The following KCTD16 variants were observed in gnomAD, a reference collection of about 807,000 sequenced individuals.
KCTD16 encodes the protein potassium channel tetramerization domain containing 16.
A neutral mutation model predicts 33.2 loss-of-function variants in KCTD16; 13 were observed. The ratio of observed to expected loss-of-function variants is 0.39; its 90% CI spans 0.25 to 0.62. The LOEUF (loss-of-function observed/expected upper bound fraction) is 0.62, where lower values mean the gene tolerates loss of function less well. KCTD16 is among the 20% of genes least tolerant of loss of function. The probability of loss-of-function intolerance (pLI) is 0.50; values close to 1 mark genes in which losing one functional copy is unlikely to be tolerated. For synonymous variants in KCTD16, 197 were observed against 195.3 expected (o/e 1.01, Z -0.07); for missense variants, 441 against 525.1 (o/e 0.84, Z 1.57).
intron 3 of KCTD16, among the ~76,000 whole-genome samples, chr5:144,467,541 C>A (rs1186735765): frequency 6.6e-6 from 1 of 152,078 alleles, no homozygotes; most frequent in Admixed American, 6.6e-5. Flanking sequence ...AACCTAGAAA[C>A]CCACCCGTGT....
intron 3 of KCTD16, among the ~76,000 whole-genome samples, chr5:144,294,491 AT>A (rs11357038): frequency 0.22 from 33,052 of 149,484 alleles, 3,983 homozygotes; most frequent in Non-Finnish European, 0.28. Context: ...ATATAAACTT[AT>A]TTTTTTTTTC....
At chr5:144,307,095 C>T (rs1389443555) in intron 3 of KCTD16, among the ~76,000 whole-genome samples, 1 of 152,204 alleles carries the variant, frequency 6.6e-6, no homozygotes. Flanking sequence ...ACCTGCATGC[C>T]AGCTTCACAG....
rs553928571 is a variant in KCTD16, at chr5:144,208,815, C to T, written c.832+1269C>T. ...AGCCAGAACAACCTGTGGAAAAAAA[C>T]GAAATCAGTAATCAGTTCAGGAGTA... is the stretch of plus-strand genomic sequence containing the variant. On this transcript the variant is annotated intron_variant, in intron 3 of 3. Transcript: ENST00000512467. Among the ~76,000 whole-genome samples the T allele has an allele frequency of 5.3e-5, 8 of 152,126 alleles. No homozygotes were observed. The South Asian group carries it at 6.2e-4, about 12-fold the overall frequency.
At chr5:144,462,661 G>A (rs934413803) in intron 3 of KCTD16, among the ~76,000 whole-genome samples, 2 of 151,182 alleles carry the variant, frequency 1.3e-5, no homozygotes, top group African/African-American at 4.9e-5. Flanking sequence ...CATCAGTGAA[G>A]ATAGAAGAAT....
At chr5:144,285,076 A>G (rs1294429877) in intron 3 of KCTD16, among the ~76,000 whole-genome samples, 1 of 152,170 alleles carries the variant, frequency 6.6e-6, no homozygotes, top group Non-Finnish European at 1.5e-5. Flanking sequence ...AGTTTGTAGG[A>G]TGGTGTGAGA....
intron 3 of KCTD16, among the ~76,000 whole-genome samples, chr5:144,348,770 A>G (rs1752873628): frequency 6.6e-6 from 1 of 152,228 alleles, no homozygotes. Flanking sequence ...ATATTTTTTA[A>G]TAGACTCCTT....
intron 3 of KCTD16, among the ~76,000 whole-genome samples, chr5:144,462,447 C>A (rs1561616876): frequency 6.6e-6 from 1 of 151,522 alleles, no homozygotes; most frequent in Non-Finnish European, 1.5e-5. Context: ...CCATTACAGT[C>A]ACCATGATTT....
chr5:144,262,987 T>G (rs1755052837), intron 3 of KCTD16, among the ~76,000 whole-genome samples: 1 of 152,208 alleles, frequency 6.6e-6, no homozygotes, highest in Admixed American at 6.5e-5. Context: ...TGAATGATGA[T>G]GACCTGGTGA....
At chr5:144,348,086 T>C (rs933347333) in intron 3 of KCTD16, among the ~76,000 whole-genome samples, 1 of 152,186 alleles carries the variant, frequency 6.6e-6, no homozygotes, top group African/African-American at 2.4e-5. Context: ...TCTTTGACTC[T>C]TTTGTTTAAC....
At chr5:144,203,641 G>A (rs6881195) in intron 2 of KCTD16, among the ~76,000 whole-genome samples, 69,218 of 152,038 alleles carry the variant, frequency 0.46, 16,739 homozygotes, top group African/African-American at 0.62. Flanking sequence ...TGTCCCTGCA[G>A]TGTTTTCATA....
chr5:144,241,825 C>T (rs1754412184), intron 3 of KCTD16, among the ~76,000 whole-genome samples: 2 of 152,154 alleles, frequency 1.3e-5, no homozygotes, highest in Admixed American at 1.3e-4. Flanking sequence ...ATCTTAACCC[C>T]CTAGGAAAAA....
At chr5:144,239,220 T>A (rs1341122048) in intron 3 of KCTD16, among the ~76,000 whole-genome samples, 1 of 152,136 alleles carries the variant, frequency 6.6e-6, no homozygotes, top group Admixed American at 6.6e-5. Context: ...GCCATGATGC[T>A]ATGCAAGGGA....
intron 3 of KCTD16, chr5:144,384,076 G>A (rs1752273383): frequency 6.6e-6 from 1 of 152,122 alleles, no homozygotes; most frequent in African/African-American, 2.4e-5. Context: ...TTTTCCTGAG[G>A]AAAAGCTGAA....
chr5:144,286,199 A>G (rs781697387), intron 3 of KCTD16, among the ~76,000 whole-genome samples: 1 of 152,092 alleles, frequency 6.6e-6, no homozygotes, highest in Non-Finnish European at 1.5e-5. Context: ...AATCTCATAG[A>G]CATTACAAGT....
intron 3 of KCTD16, among the ~76,000 whole-genome samples, chr5:144,245,156 A>T (rs553132285): frequency 1.3e-5 from 2 of 152,294 alleles, no homozygotes; most frequent in Non-Finnish European, 1.5e-5. Flanking sequence ...GTGCTGGGTG[A>T]TGAGGATTAG....
Position 144,482,679 on chromosome 5 carries a change from A to C in KCTD16, c.*8565A>C, listed in dbSNP as rs1323698148. 1 of 151,726 alleles carries C rather than the reference A, an allele frequency of 6.6e-6. No homozygotes were observed. Among genetic ancestry groups the C allele is most frequent in the Non-Finnish European group, 1.5e-5 (1 of 67,818 alleles). 9.4% of individuals were successfully genotyped at this position (151,726 alleles called of 1,614,324 possible). A position where few individuals can be genotyped will look rare whatever the true frequency, so the allele number is the denominator to read the frequency against. ...AAAGAAACTTCACCGAAATACGTGC[A>C]TGCATGTGTGAGTGTGTGTGTGTGA... On this transcript the variant is annotated 3_prime_UTR_variant, in exon 4 of 4. Transcript: ENST00000512467.
At chr5:144,353,374 C>T (rs542721054) in intron 3 of KCTD16, among the ~76,000 whole-genome samples, 1 of 152,252 alleles carries the variant, frequency 6.6e-6, no homozygotes, top group African/African-American at 2.4e-5. Context: ...GAAAGAGAAG[C>T]AGTACAGTGG....
intron 3 of KCTD16, among the ~76,000 whole-genome samples, chr5:144,342,466 A>G (rs1401617560): frequency 1.3e-5 from 2 of 152,154 alleles, no homozygotes; most frequent in African/African-American, 2.4e-5. Context: ...CAGCTTAAGG[A>G]GATTTTGGGC....
chr5:144,216,736 C>T (rs1402629926), intron 3 of KCTD16, among the ~76,000 whole-genome samples: 1 of 150,942 alleles, frequency 6.6e-6, no homozygotes, highest in African/African-American at 2.4e-5. Context: ...CCCAGTTACT[C>T]GGGAGGCTGA....
Sources: gnomAD v4.1 joint callset for allele counts (sites outside exome capture counted in the v4.1 genomes callset) on GRCh38, gnomAD v4.1.1 for gene constraint, MANE v1.5 for transcripts, NCBI Gene and HGNC (gene_info 2026-07-23, HGNC 2026-07-21) for gene names.